Variants in DLEU7 observed in about 807,000 individuals in gnomAD.
The protein encoded by DLEU7 is leukemia-associated protein 7.
In DLEU7, 17 loss-of-function variants were observed where a neutral mutation model predicts 16.0. The ratio of observed to expected loss-of-function variants is 1.06; its 90% confidence interval spans 0.73 to 1.59. DLEU7 has a LOEUF of 1.59. Ranked by LOEUF, DLEU7 falls within the 40% of genes most tolerant of loss-of-function variation. The pLI is 0.00. For missense variants in DLEU7, 308 were observed against 314.9 expected, an observed-to-expected ratio of 0.98 and a Z score of 0.17; for synonymous variants, 113 against 139.8, an observed-to-expected ratio of 0.81 and a Z score of 1.35.
chr13:50,730,201 CTGGAAGAGG>C (rs1382230568), intron 1 of DLEU7, among the ~76,000 whole-genome samples: 3 of 150,926 alleles, frequency 2.0e-5, no homozygotes, highest in Non-Finnish European at 4.4e-5. Context: ...GGTGGCAGAG[CTGGAAGAGG>C]TGGAAGGGGA....
chr13:50,831,912 T>C (rs554198491), intron 1 of DLEU7, among the ~76,000 whole-genome samples: 15 of 152,248 alleles, frequency 9.9e-5, no homozygotes, highest in Non-Finnish European at 1.9e-4. Flanking sequence ...GATTTTCGCA[T>C]TGATGTTCAT....
intron 1 of DLEU7, among the ~76,000 whole-genome samples, chr13:50,786,411 G>A (rs1166425730): frequency 6.6e-6 from 1 of 152,044 alleles, no homozygotes; most frequent in Non-Finnish European, 1.5e-5. Context: ...TTGTATACGT[G>A]TACTATACAA....
chr13:50,744,791 T>C (rs1874347278), intron 1 of DLEU7, among the ~76,000 whole-genome samples: 1 of 152,168 alleles, frequency 6.6e-6, no homozygotes, highest in Non-Finnish European at 1.5e-5. Context: ...AAAGAAGATA[T>C]GCCAAGGTCC....
At chr13:50,711,157 T>C (rs1489454938), downstream of DLEU7, 22 of 152,216 alleles carry the variant, frequency 1.4e-4, no homozygotes, top group Non-Finnish European at 7.3e-5. Flanking sequence ...TATTGGTATT[T>C]TCTGTACCCT....
chr13:50,723,553 GTGAC>G (rs1873678975), intron 1 of DLEU7, among the ~76,000 whole-genome samples: 1 of 152,146 alleles, frequency 6.6e-6, no homozygotes, highest in African/African-American at 2.4e-5. Context: ...AGACCAGGGT[GTGAC>G]TGTGGTTGGG....
chr13:50,811,146 A>C (rs561511371), intron 1 of DLEU7, among the ~76,000 whole-genome samples: 7 of 152,292 alleles, frequency 4.6e-5, no homozygotes, highest in African/African-American at 1.7e-4. Flanking sequence ...GGGCCCCAGA[A>C]AACTGCAACT....
At chr13:50,837,307 G>A (rs1235056209) in intron 1 of DLEU7, among the ~76,000 whole-genome samples, 1 of 152,080 alleles carries the variant, frequency 6.6e-6, no homozygotes, top group Non-Finnish European at 1.5e-5. Flanking sequence ...CCCAAAAATT[G>A]TAAAATAAAA....
rs571029684 is a variant in DLEU7 at position 50,762,008 on chromosome 13, G to A, written c.460-48768C>T. On this transcript the variant is annotated intron_variant, in intron 1 of 1. Coordinates refer to the DLEU7 transcript ENST00000400393. ...GTTCAAGACCTGCCTGGCCAAGATG[G>A]TGAAACCCCATCTCTACTAAAAATA... is the stretch of plus-strand genomic sequence containing the variant. Among the ~76,000 whole-genome samples the A allele has an allele frequency of 1.4e-4, 22 of 151,978 alleles. No homozygotes were observed. In the South Asian group the frequency reaches 4.4e-3, roughly 30 times the overall value.
At chr13:50,819,109 A>G (rs1876819749), downstream of DLEU7, among the ~76,000 whole-genome samples, 6 of 152,214 alleles carry the variant, frequency 3.9e-5, no homozygotes, top group Admixed American at 3.9e-4. Context: ...TGTGAGAGCA[A>G]CAAAGAAAAC....
At chr13:50,767,455 C>CAAAAAAAAAAA (rs35091007) in intron 1 of DLEU7, among the ~76,000 whole-genome samples, 34 of 64,510 alleles carry the variant, frequency 5.3e-4, no homozygotes, top group African/African-American at 1.7e-3. Flanking sequence ...GACTCCGTCT[C>CAAAAAAAAAAA]AAAAAAAAAA....
chr13:50,810,588 G>A (rs531715504), intron 1 of DLEU7, among the ~76,000 whole-genome samples: 151 of 152,218 alleles, frequency 9.9e-4, no homozygotes, highest in African/African-American at 3.5e-3. Flanking sequence ...GTCCACAGAC[G>A]GGCATTTGGA....
intron 1 of DLEU7, among the ~76,000 whole-genome samples, chr13:50,724,816 A>T (rs918189759): frequency 9.8e-5 from 15 of 152,290 alleles, no homozygotes; most frequent in African/African-American, 3.4e-4. Context: ...ACCATTTCAA[A>T]TGTCACTGGT....
At chr13:50,769,605 G>A (rs555183938) in intron 1 of DLEU7, among the ~76,000 whole-genome samples, 73 of 152,128 alleles carry the variant, frequency 4.8e-4, no homozygotes, top group African/African-American at 1.4e-3. Flanking sequence ...TGTATATGCC[G>A]GTGTTATTTC....
chr13:50,724,191 C>T (rs1199578328), intron 1 of DLEU7, among the ~76,000 whole-genome samples: 1 of 152,148 alleles, frequency 6.6e-6, no homozygotes, highest in Non-Finnish European at 1.5e-5. Flanking sequence ...TTTAAGCAAA[C>T]TAACCTAAAA....
At chr13:50,717,122 T>C (rs1047413460) in intron 1 of DLEU7, among the ~76,000 whole-genome samples, 1 of 152,228 alleles carries the variant, frequency 6.6e-6, no homozygotes, top group African/African-American at 2.4e-5. Flanking sequence ...TTAAGTGAGA[T>C]GATTTAGTTG....
chr13:50,778,365 G>A (rs1875562471), intron 1 of DLEU7, among the ~76,000 whole-genome samples: 1 of 152,176 alleles, frequency 6.6e-6, no homozygotes, highest in Non-Finnish European at 1.5e-5. Context: ...GATTTGACGT[G>A]AGATTTTGGT....
At chr13:50,777,504 C>T (rs984784792) in intron 1 of DLEU7, among the ~76,000 whole-genome samples, 4 of 152,192 alleles carry the variant, frequency 2.6e-5, no homozygotes, top group African/African-American at 9.7e-5. Context: ...TTCCTTGCTC[C>T]TCAGCTTGTA....
At chr13:50,711,614 G>C (rs1267887594), downstream of DLEU7, 1 of 152,206 alleles carries the variant, frequency 6.6e-6, no homozygotes, top group East Asian at 1.9e-4. Flanking sequence ...TATCACGCTA[G>C]AGAATCCAAT....
intron 1 of DLEU7, among the ~76,000 whole-genome samples, chr13:50,841,815 T>C (rs1877672000): frequency 6.6e-6 from 1 of 151,548 alleles, no homozygotes. Context: ...ATGACAGGAT[T>C]AAAAAAAATT....
Sources: allele counts gnomAD v4.1 joint callset (sites outside exome capture counted in the v4.1 genomes callset), GRCh38; gene constraint gnomAD v4.1.1; transcripts MANE v1.5; gene names NCBI Gene and HGNC (gene_info 2026-07-23, HGNC 2026-07-21).